Variants in FAM163A observed in about 807,000 individuals in gnomAD.
FAM163A encodes family with sequence similarity 163 member A.
A neutral mutation model predicts 12.0 loss-of-function variants in FAM163A; 7 were observed. That is an observed-to-expected ratio of 0.58 (90% CI 0.33 to 1.10). The LOEUF (loss-of-function observed/expected upper bound fraction) is 1.10. Among genes scored for constraint, FAM163A ranks in the 50% least tolerant of loss-of-function variants. FAM163A has a pLI of 0.03. For synonymous variants in FAM163A, 101 were observed against 91.0 expected, an observed-to-expected ratio of 1.11 and a Z score of -0.62; for missense variants, 202 against 218.6, an observed-to-expected ratio of 0.92 and a Z score of 0.48.
At chr1:179,733,167 C>G in the FAM163A span, among the ~76,000 whole-genome samples, 1 of 152,262 alleles carries the variant, frequency 6.6e-6, no homozygotes, top group South Asian at 2.1e-4. Context: ...TAGCATCCCC[C>G]ACATGTACAA....
intron 1 of FAM163A, among the ~76,000 whole-genome samples, chr1:179,764,627 C>T (rs765515926): frequency 3.3e-5 from 5 of 152,194 alleles, no homozygotes; most frequent in Non-Finnish European, 4.4e-5. Context: ...CCTCGGTCCT[C>T]GGCAAACCAG....
intron 1 of FAM163A, among the ~76,000 whole-genome samples, chr1:179,760,757 A>G (rs537891674): frequency 5.3e-5 from 8 of 152,308 alleles, no homozygotes; most frequent in South Asian, 2.1e-4. Context: ...GTCTTCTCCA[A>G]TACATCCACC....
chr1:179,774,072 G>T lies in FAM163A; in HGVS notation c.-136+30649G>T, dbSNP rs115639590. On this transcript the variant is annotated intron_variant, in intron 1 of 4. Transcript: ENST00000341785. ...CTGTCATCTTTGTCCATGTTCTGGA[G>T]CTCTCTTCCTTAAGGCATCAGCCAG... Among the ~76,000 whole-genome samples the T allele has an allele frequency of 8.5e-3, 1,290 of 152,348 alleles. 18 individuals carry two copies. Among genetic ancestry groups the T allele is most frequent in the African/African-American group, 0.03 (1,243 of 41,562 alleles).
chr1:179,759,993 G>A (rs940255832), intron 1 of FAM163A, among the ~76,000 whole-genome samples: 1 of 152,130 alleles, frequency 6.6e-6, no homozygotes, highest in Non-Finnish European at 1.5e-5. Context: ...TGTAAAGCAT[G>A]ATATTCTAAG....
chr1:179,781,057 G>T (rs1401536933), intron 1 of FAM163A, among the ~76,000 whole-genome samples: 1 of 152,178 alleles, frequency 6.6e-6, no homozygotes. Flanking sequence ...GTAGAGACGA[G>T]GGGAGAAATG....
At chr1:179,739,121 G>A (rs1279838015), upstream of FAM163A, among the ~76,000 whole-genome samples, 1 of 151,948 alleles carries the variant, frequency 6.6e-6, no homozygotes, top group Non-Finnish European at 1.5e-5. Flanking sequence ...AGAAGGAGAA[G>A]AAGGAGAAGG....
At chr1:179,799,466 G>A (rs1031020767) in intron 1 of FAM163A, among the ~76,000 whole-genome samples, 1 of 152,196 alleles carries the variant, frequency 6.6e-6, no homozygotes, top group African/African-American at 2.4e-5. Flanking sequence ...CGCTCGGCAC[G>A]TTCCGTGCAT....
chr1:179,741,314 CAAT>C (rs1304980118), upstream of FAM163A, among the ~76,000 whole-genome samples: 1 of 152,208 alleles, frequency 6.6e-6, no homozygotes, highest in African/African-American at 2.4e-5. Flanking sequence ...GGAGCAATGG[CAAT>C]TACCGTACAT....
intron 1 of FAM163A, among the ~76,000 whole-genome samples, chr1:179,805,461 G>A (rs1333115230): frequency 6.6e-6 from 1 of 151,954 alleles, no homozygotes; most frequent in Admixed American, 6.6e-5. Context: ...CTTTAACCTG[G>A]TGGGGCGGAG....
intron 2 of FAM163A, among the ~76,000 whole-genome samples, chr1:179,809,585 G>A (rs1270508180): frequency 1.3e-5 from 2 of 152,170 alleles, no homozygotes; most frequent in Non-Finnish European, 2.9e-5. Flanking sequence ...CACAGCCTGC[G>A]TGGTCCTGAA....
At chr1:179,740,361 T>C (rs375851154), upstream of FAM163A, among the ~76,000 whole-genome samples, 41 of 152,240 alleles carry the variant, frequency 2.7e-4, no homozygotes, top group East Asian at 6.8e-3. Context: ...CATTTTTTTA[T>C]GTAGAGACAG....
At chr1:179,788,662 TC>T (rs1251080131) in intron 1 of FAM163A, among the ~76,000 whole-genome samples, 5 of 152,134 alleles carry the variant, frequency 3.3e-5, no homozygotes, top group Admixed American at 3.3e-4. Context: ...AATATCTATA[TC>T]CCAGGGATCT....
At chr1:179,809,317 C>T (rs1279240246) in intron 2 of FAM163A, among the ~76,000 whole-genome samples, 1 of 152,154 alleles carries the variant, frequency 6.6e-6, no homozygotes, top group East Asian at 1.9e-4. Flanking sequence ...CCCCCTCTTT[C>T]CTCACAGTCA....
At chr1:179,737,676 A>G in the FAM163A span, among the ~76,000 whole-genome samples, 1 of 152,122 alleles carries the variant, frequency 6.6e-6, no homozygotes, top group African/African-American at 2.4e-5. Flanking sequence ...TCTACTAAAA[A>G]TACAAAAAAT....
intron 1 of FAM163A, among the ~76,000 whole-genome samples, chr1:179,744,908 A>G (rs1684247914): frequency 6.6e-6 from 1 of 152,180 alleles, no homozygotes; most frequent in Admixed American, 6.5e-5. Context: ...TCAATCCCGC[A>G]TGTTCGCTTT....
At chr1:179,761,594 T>A (rs1247699373) in intron 1 of FAM163A, among the ~76,000 whole-genome samples, 1 of 152,196 alleles carries the variant, frequency 6.6e-6, no homozygotes, top group Non-Finnish European at 1.5e-5. Flanking sequence ...TCCAAGAGCT[T>A]CCCAGCTGAC....
intron 1 of FAM163A, among the ~76,000 whole-genome samples, chr1:179,746,057 G>C (rs1166591944): frequency 2.0e-5 from 3 of 152,154 alleles, no homozygotes; most frequent in African/African-American, 4.8e-5. Context: ...CCTACACAAA[G>C]GACTAATTTC....
At chr1:179,768,946 T>C (rs1450275016) in intron 1 of FAM163A, among the ~76,000 whole-genome samples, 1 of 151,644 alleles carries the variant, frequency 6.6e-6, no homozygotes, top group Non-Finnish European at 1.5e-5. Flanking sequence ...TATTGTTCAT[T>C]TGTTTCAGCG....
At chr1:179,810,671 A>G (rs1694587990) in intron 2 of FAM163A, among the ~76,000 whole-genome samples, 1 of 152,192 alleles carries the variant, frequency 6.6e-6, no homozygotes, top group Admixed American at 6.5e-5. Flanking sequence ...CTAGTCTGCA[A>G]TTCTGTGGCT....
Sources: gnomAD v4.1 joint callset for allele counts (sites outside exome capture counted in the v4.1 genomes callset) on GRCh38, gnomAD v4.1.1 for gene constraint, MANE v1.5 for transcripts, NCBI Gene and HGNC (gene_info 2026-07-23, HGNC 2026-07-21) for gene names.